The following TMEM164 variants were observed in gnomAD, a reference collection of about 807,000 sequenced individuals.
TMEM164 encodes RP13-360B22.2.
Under a neutral mutation model 18.8 loss-of-function variants are expected in TMEM164, and 4 were observed. The ratio of observed to expected loss-of-function variants is 0.21; its 90% CI spans 0.10 to 0.49. The LOEUF is 0.49. Among genes scored for constraint, TMEM164 ranks in the 20% least tolerant of loss-of-function variants. The pLI is 0.98. For missense variants in TMEM164, 108 were observed against 239.9 expected, an observed-to-expected ratio of 0.45 and a Z score of 3.63; for synonymous variants, 86 against 101.7, an observed-to-expected ratio of 0.85 and a Z score of 0.93.
At chrX:110,134,976 GT>G (rs746455488) in intron 4 of TMEM164, among the ~76,000 whole-genome samples, 15 of 111,565 alleles carry the variant, frequency 1.3e-4, no homozygotes, top group African/African-American at 4.6e-4. Flanking sequence ...GCTGTTAACA[GT>G]TTGGTGTACT....
At chrX:110,152,105 G>T (rs1317208142) in intron 5 of TMEM164, among the ~76,000 whole-genome samples, 5 of 100,005 alleles carry the variant, frequency 5.0e-5, no homozygotes, top group Admixed American at 3.3e-4. Context: ...TGCCAGGCTG[G>T]AGTGCAGTGG....
Position 110,074,739 on chromosome X carries a change from G to A in TMEM164, c.440+7343G>A, listed in dbSNP as rs752339428. ...AGTTCTTTCCCCATTGTTTACTTCTGTTGACTTTGCTGAACATCACATAGT... is the reference window on the plus strand; with the variant it reads ...AGTTCTTTCCCCATTGTTTACTTCTATTGACTTTGCTGAACATCACATAGT... On this transcript the variant is annotated intron_variant, in intron 3 of 6. Coordinates refer to ENST00000372068, the MANE Select transcript of TMEM164 (RefSeq NM_032227.4). Among the ~76,000 whole-genome samples, 477 of 111,761 alleles carry A rather than the reference G, an allele frequency of 4.3e-3. 6 individuals are homozygous for A. The highest frequency in any genetic ancestry group is 0.015 in the African/African-American group (454 of 30,795).
intron 5 of TMEM164, among the ~76,000 whole-genome samples, chrX:110,146,896 C>T (rs1041592229): frequency 5.3e-5 from 6 of 112,304 alleles, no homozygotes; most frequent in East Asian, 2.8e-4. Flanking sequence ...CCAAGAAAGC[C>T]GAGAGTCTGG....
At chrX:110,117,001 G>A (rs1407565583) in intron 4 of TMEM164, among the ~76,000 whole-genome samples, 2 of 110,399 alleles carry the variant, frequency 1.8e-5, no homozygotes, top group African/African-American at 3.3e-5. Context: ...TATAAAATGG[G>A]GGTGATAATA....
chrX:110,135,993 A>T (rs1267366089), intron 4 of TMEM164, among the ~76,000 whole-genome samples: 1 of 111,609 alleles, frequency 9.0e-6, no homozygotes, highest in Admixed American at 9.5e-5. Flanking sequence ...AATTTCCTTG[A>T]TTGTCCCAAG....
intron 4 of TMEM164, among the ~76,000 whole-genome samples, chrX:110,129,073 A>G (rs1569341858): frequency 9.3e-6 from 1 of 107,541 alleles, no homozygotes. Context: ...CTTGCTAGGC[A>G]CCTGAGAGCT....
intron 3 of TMEM164, among the ~76,000 whole-genome samples, chrX:110,108,068 CTGTGTGTGTGTGTG>C (rs56714507): frequency 1.5e-3 from 70 of 46,381 alleles, no homozygotes; most frequent in African/African-American, 4.0e-3. Context: ...AGGAGGTATG[CTGTGTGTGTGTGTG>C]TGTGTGTGTG....
intron 4 of TMEM164, among the ~76,000 whole-genome samples, chrX:110,116,985 C>G (rs1297193730): frequency 9.1e-6 from 1 of 110,047 alleles, no homozygotes; most frequent in East Asian, 2.8e-4. Flanking sequence ...CCTCAGTTCT[C>G]TCATCTATAA....
At chrX:110,060,277 A>G (rs758153408) in intron 2 of TMEM164, among the ~76,000 whole-genome samples, 1 of 107,893 alleles carries the variant, frequency 9.3e-6, no homozygotes, top group East Asian at 2.8e-4. Flanking sequence ...AAAAAAAAAA[A>G]AAAAAAAGAA....
At chrX:110,099,602 G>A (rs151292308) in intron 3 of TMEM164, among the ~76,000 whole-genome samples, 43 of 112,127 alleles carry the variant, frequency 3.8e-4, no homozygotes, top group East Asian at 2.5e-3. Context: ...GCATTGTTTC[G>A]GTTGCTTTAA....
intron 4 of TMEM164, among the ~76,000 whole-genome samples, chrX:110,127,075 C>T (rs1046093706): frequency 9.0e-6 from 1 of 111,142 alleles, no homozygotes; most frequent in Non-Finnish European, 1.9e-5. Flanking sequence ...AAGGTGCCTT[C>T]TGTTTCCAGT....
intron 3 of TMEM164, among the ~76,000 whole-genome samples, chrX:110,088,271 A>G (rs183167174): frequency 3.6e-5 from 4 of 111,795 alleles, no homozygotes; most frequent in Non-Finnish European, 5.6e-5. Flanking sequence ...CCCAGTGCTC[A>G]TCTGGTCAGC....
intron 2 of TMEM164, among the ~76,000 whole-genome samples, chrX:110,045,328 G>A (rs1011084299): frequency 8.9e-6 from 1 of 111,997 alleles, no homozygotes; most frequent in African/African-American, 3.2e-5. Flanking sequence ...TTTAATGGGG[G>A]TAAAGGGGGC....
At chrX:110,110,808 C>G (rs953612124) in intron 4 of TMEM164, among the ~76,000 whole-genome samples, 1 of 112,413 alleles carries the variant, frequency 8.9e-6, no homozygotes, top group Admixed American at 9.4e-5. Context: ...CTCACAGTTA[C>G]TCCAAGTGTG....
chrX:110,132,429 G>C (rs909763788), intron 4 of TMEM164, among the ~76,000 whole-genome samples: 3 of 110,838 alleles, frequency 2.7e-5, no homozygotes, highest in African/African-American at 9.9e-5. Flanking sequence ...CCTGAATTTT[G>C]GTTATTATTC....
intron 5 of TMEM164, among the ~76,000 whole-genome samples, chrX:110,152,936 C>A (rs2066964552): frequency 9.0e-6 from 1 of 111,396 alleles, no homozygotes; most frequent in African/African-American, 3.3e-5. Context: ...TGCACAAGAC[C>A]GTATGACCTG....
chrX:110,009,046 C>T (rs902283688), intron 2 of TMEM164, among the ~76,000 whole-genome samples: 1 of 111,724 alleles, frequency 9.0e-6, no homozygotes, highest in African/African-American at 3.3e-5. Context: ...GACACTAACT[C>T]TTACCAGAGG....
chrX:110,180,235 A>G (rs948133215), downstream of TMEM164, among the ~76,000 whole-genome samples: 3 of 112,241 alleles, frequency 2.7e-5, no homozygotes, highest in Non-Finnish European at 3.8e-5. Flanking sequence ...CTGCATGGCA[A>G]AAGCCCCACC....
chrX:110,095,702 C>CCAT (rs1206095220), intron 3 of TMEM164, among the ~76,000 whole-genome samples: 1 of 112,628 alleles, frequency 8.9e-6, no homozygotes, highest in Non-Finnish European at 1.9e-5. Flanking sequence ...AAGTCATTCT[C>CCAT]CATCCAGCTT....
Sources: gnomAD v4.1 joint callset for allele counts (sites outside exome capture counted in the v4.1 genomes callset) on GRCh38, gnomAD v4.1.1 for gene constraint, MANE v1.5 for transcripts, NCBI Gene and HGNC (gene_info 2026-07-23, HGNC 2026-07-21) for gene names.